Variants in MGAT4C observed in about 807,000 individuals in gnomAD.
The protein encoded by MGAT4C is alpha-1,3-mannosyl-glycoprotein 4-beta-N-acetylglucosaminyltransferase C.
A neutral mutation model predicts 40.1 loss-of-function variants in MGAT4C; 19 were observed. That is an observed-to-expected ratio of 0.47 (90% CI 0.33 to 0.70). The LOEUF is 0.70. Ranked by LOEUF, MGAT4C falls within the 30% of genes least tolerant of loss-of-function variation. MGAT4C has a pLI of 0.02. For missense variants in MGAT4C, 491 were observed against 563.2 expected (o/e 0.87, Z 1.30); for synonymous variants, 181 against 187.1 (o/e 0.97, Z 0.27).
intron 3 of MGAT4C, among the ~76,000 whole-genome samples, chr12:86,396,799 C>T (rs1003280999): frequency 6.6e-6 from 1 of 152,084 alleles, no homozygotes; most frequent in African/African-American, 2.4e-5. Flanking sequence ...ACATCTGTAG[C>T]TATTATGGTA....
chr12:86,494,524 A>C (rs577659677), intron 2 of MGAT4C, among the ~76,000 whole-genome samples: 1 of 151,904 alleles, frequency 6.6e-6, no homozygotes, highest in South Asian at 2.1e-4. Flanking sequence ...TTTAAAACTT[A>C]GACTATTAAA....
intron 2 of MGAT4C, among the ~76,000 whole-genome samples, chr12:86,632,635 T>C (rs927373957): frequency 6.6e-6 from 1 of 152,024 alleles, no homozygotes. Flanking sequence ...GAAACCATCA[T>C]TCTGAGCAAA....
chr12:86,142,607 A>G (rs997133097), intron 1 of MGAT4C, among the ~76,000 whole-genome samples: 1 of 152,172 alleles, frequency 6.6e-6, no homozygotes, highest in Non-Finnish European at 1.5e-5. Flanking sequence ...GAATAGCTGA[A>G]TATATAGTAG....
Position 85,965,993 on chromosome 12 carries a change from A to T in MGAT4C, c.*13296T>A, listed in dbSNP as rs1004959236. The T allele has an allele frequency of 6.6e-6, 1 of 152,202 alleles. No homozygotes were observed. The highest frequency in any genetic ancestry group is 6.5e-5 in the Admixed American group (1 of 15,274). The allele number at this position is 152,202 out of a possible 1,614,324, so 9.4% of individuals were successfully genotyped here. A position where few individuals can be genotyped will look rare whatever the true frequency, so the allele number is the denominator to read the frequency against. ...AAATAGCTGCCAAATAAATGACATT[A>T]AAAAATGTATAAAAAGGTATGTTAA... On this transcript the variant is annotated 3_prime_UTR_variant, in exon 5 of 5. Transcript: ENST00000611864.
chr12:86,514,234 A>G lies in MGAT4C; in HGVS notation c.-228-78969T>C, dbSNP rs115775811. On this transcript the variant is annotated intron_variant, in intron 2 of 7. Coordinates refer to the MGAT4C transcript ENST00000548651. ...TTTCTGTAGCCATACAGGACAAAAAATACAAAGTTAACAGAATTAGTTCAG... is the reference window on the plus strand; with the variant it reads ...TTTCTGTAGCCATACAGGACAAAAAGTACAAAGTTAACAGAATTAGTTCAG... Among the ~76,000 whole-genome samples the G allele has an allele frequency of 3.3e-3, 497 of 152,296 alleles. 3 individuals are homozygous for G. The highest frequency in any genetic ancestry group is 0.011 in the African/African-American group (475 of 41,568).
intron 2 of MGAT4C, among the ~76,000 whole-genome samples, chr12:86,572,970 A>G (rs1593000173): frequency 6.6e-6 from 1 of 152,206 alleles, no homozygotes; most frequent in East Asian, 1.9e-4. Flanking sequence ...TTTCAAAATT[A>G]TAGATACTTG....
chr12:86,668,108 A>G (rs1693598018), intron 2 of MGAT4C, among the ~76,000 whole-genome samples: 1 of 152,228 alleles, frequency 6.6e-6, no homozygotes, highest in African/African-American at 2.4e-5. Context: ...TCTTTGTATC[A>G]TGATCCAAGT....
intron 4 of MGAT4C, among the ~76,000 whole-genome samples, chr12:86,273,883 TG>T (rs944113467): frequency 1.6e-4 from 25 of 152,318 alleles, no homozygotes; most frequent in African/African-American, 5.8e-4. Context: ...AAAACTTTAA[TG>T]GTACTTGCAC....
intron 2 of MGAT4C, among the ~76,000 whole-genome samples, chr12:86,703,595 GT>G (rs1196723501): frequency 2.0e-5 from 3 of 152,040 alleles, no homozygotes; most frequent in African/African-American, 7.2e-5. Flanking sequence ...AGGTATATTG[GT>G]TTTTTAAATG....
chr12:86,166,007 C>T lies in MGAT4C; in HGVS notation c.-57+90232G>A, dbSNP rs144474746. Among the ~76,000 whole-genome samples, 801 of 152,192 alleles carry T rather than the reference C, an allele frequency of 5.3e-3. 7 individuals carry two copies. The highest frequency in any genetic ancestry group is 0.018 in the African/African-American group (760 of 41,528). On this transcript the variant is annotated intron_variant, in intron 1 of 4. Transcript: ENST00000611864. Reference sequence around the variant, plus strand: ...TAAAATTTAAGCAGTGTCTAAATCACGCTCTTAATTTTGAAAGTGTACTAT... The same window carrying T: ...TAAAATTTAAGCAGTGTCTAAATCATGCTCTTAATTTTGAAAGTGTACTAT...
At chr12:86,667,927 T>C (rs1964156325) in intron 2 of MGAT4C, among the ~76,000 whole-genome samples, 1 of 152,214 alleles carries the variant, frequency 6.6e-6, no homozygotes, top group African/African-American at 2.4e-5. Flanking sequence ...GCAAGGTTGA[T>C]TGTTTGCACA....
intron 1 of MGAT4C, among the ~76,000 whole-genome samples, chr12:86,837,404 TTGTTC>T (rs1011434772): frequency 1.2e-3 from 190 of 152,282 alleles, no homozygotes; most frequent in African/African-American, 4.5e-3. Flanking sequence ...CCTCTTTCCT[TTGTTC>T]TAATAGTCTT....
chr12:86,277,733 T>C (rs1365663602), intron 4 of MGAT4C, among the ~76,000 whole-genome samples: 2 of 152,202 alleles, frequency 1.3e-5, no homozygotes, highest in Non-Finnish European at 2.9e-5. Context: ...CTGGGTTCTC[T>C]GTTCTGTTCC....
intron 1 of MGAT4C, among the ~76,000 whole-genome samples, chr12:86,800,460 T>C (rs939676722): frequency 6.6e-6 from 1 of 151,972 alleles, no homozygotes; most frequent in Non-Finnish European, 1.5e-5. Context: ...CTGTTTTAAG[T>C]ACCCAGAATG....
At chr12:86,039,954 G>T (rs924594231) in intron 2 of MGAT4C, among the ~76,000 whole-genome samples, 1 of 152,186 alleles carries the variant, frequency 6.6e-6, no homozygotes, top group Non-Finnish European at 1.5e-5. Flanking sequence ...CTTTCTGTTT[G>T]TTAGTTTTCC....
At chr12:86,739,997 G>T (rs1031034260) in intron 1 of MGAT4C, among the ~76,000 whole-genome samples, 2 of 150,686 alleles carry the variant, frequency 1.3e-5, no homozygotes, top group Non-Finnish European at 3.0e-5. Flanking sequence ...GCTTCTCCAA[G>T]GATGCTGAGT....
At chr12:86,324,427 A>G (rs1954473540) in intron 4 of MGAT4C, among the ~76,000 whole-genome samples, 1 of 151,836 alleles carries the variant, frequency 6.6e-6, no homozygotes. Flanking sequence ...AATATATTCT[A>G]CATTAATTTT....
intron 1 of MGAT4C, among the ~76,000 whole-genome samples, chr12:86,093,026 C>A (rs1461691752): frequency 6.6e-6 from 1 of 152,030 alleles, no homozygotes; most frequent in Non-Finnish European, 1.5e-5. Flanking sequence ...CCTTGACAGA[C>A]CCCTGTGTGT....
intron 1 of MGAT4C, among the ~76,000 whole-genome samples, chr12:86,832,450 GA>G (rs1239335368): frequency 1.3e-5 from 2 of 151,256 alleles, no homozygotes; most frequent in Admixed American, 6.6e-5. Context: ...ATATTTTGAA[GA>G]AAAAAAGTCC....
Sources: gnomAD v4.1 joint callset for allele counts (sites outside exome capture counted in the v4.1 genomes callset) on GRCh38, gnomAD v4.1.1 for gene constraint, MANE v1.5 for transcripts, NCBI Gene and HGNC (gene_info 2026-07-23, HGNC 2026-07-21) for gene names.